PSAP: variants seen among roughly 807,000 people sequenced by gnomAD.
PSAP encodes the protein precursor of saposins.
Under a neutral mutation model 66.0 loss-of-function variants are expected in PSAP, and 25 were observed. That is an observed-to-expected ratio of 0.38 (90% CI 0.28 to 0.53). PSAP has a LOEUF of 0.53. Ranked by LOEUF, PSAP falls within the 20% of genes least tolerant of loss-of-function variation. PSAP has a pLI of 0.83. For missense variants in PSAP, 649 were observed against 668.8 expected, an observed-to-expected ratio of 0.97 and a Z score of 0.33; for synonymous variants, 273 against 258.9, an observed-to-expected ratio of 1.05 and a Z score of -0.52.
At chr10:71,838,147 A>G (rs1842662522) in intron 1 of PSAP, among the ~76,000 whole-genome samples, 1 of 152,262 alleles carries the variant, frequency 6.6e-6, no homozygotes, top group African/African-American at 2.4e-5. Context: ...TGGAAGGCGA[A>G]TTCAAAAACG....
chr10:71,838,137 T>C (rs1842662312), intron 1 of PSAP, among the ~76,000 whole-genome samples: 1 of 152,116 alleles, frequency 6.6e-6, no homozygotes, highest in South Asian at 2.1e-4. Flanking sequence ...GGCACCTAAC[T>C]GGAAGGCGAA....
chr10:71,831,884 T>G lies in PSAP; in HGVS notation c.211A>C (p.Thr71Pro). 2.5e-6 allele frequency: 4 copies of G among 1,614,088 alleles called. No individual in the cohort carries two copies. The highest frequency in any genetic ancestry group is 3.4e-6 in the Non-Finnish European group (4 of 1,180,040). Residue 71 changes from threonine (T) to proline (P), a missense_variant, in exon 3 of 14, where the codon ACC (threonine) becomes CCC (proline). By Grantham distance (38) the Thr-to-Pro change is conservative. Coordinates refer to ENST00000394936, the MANE Select transcript of PSAP (RefSeq NM_002778.4). ...TCCTTCAGCATATCACCAGCTGCGGTGACAACGTCTTTGCATATGTCGCAG... is the reference window on the plus strand; with the variant it reads ...TCCTTCAGCATATCACCAGCTGCGGGGACAACGTCTTTGCATATGTCGCAG... Reference protein sequence around the residue: ...LPCDICKDVVTAAGDMLKDNA... With the variant: ...LPCDICKDVVPAAGDMLKDNA...
At chr10:71,826,890 T>C (rs1255363676) in intron 6 of PSAP, among the ~76,000 whole-genome samples, 2 of 152,190 alleles carry the variant, frequency 1.3e-5, no homozygotes. Flanking sequence ...GTACTAAAAA[T>C]GGCATTTTGG....
intron 1 of PSAP, 57 bp downstream of exon 1, chr10:71,851,124 TG>T: frequency 6.5e-7 from 1 of 1,539,652 alleles, no homozygotes; most frequent in Admixed American, 2.0e-5. Context: ...CAGCCCATTC[TG>T]GGGCAGATGG....
At chr10:71,819,377 C>A in intron 11 of PSAP, 88 bp downstream of exon 11, 1 of 1,568,478 alleles carries the variant, frequency 6.4e-7, no homozygotes. Context: ...GCAGAAACAG[C>A]TGGTTTTCCA....
chr10:71,842,946 C>G (rs1429736659), intron 1 of PSAP, among the ~76,000 whole-genome samples: 2 of 152,208 alleles, frequency 1.3e-5, no homozygotes, highest in Admixed American at 1.3e-4. Flanking sequence ...ACTTCCACAG[C>G]TGAAGTCTAC....
intron 1 of PSAP, among the ~76,000 whole-genome samples, chr10:71,834,993 T>C (rs745674205): frequency 2.5e-4 from 38 of 151,986 alleles, no homozygotes; most frequent in Non-Finnish European, 1.2e-4. Context: ...TCCCAGCACT[T>C]TGGGAGGCCA....
intron 7 of PSAP, among the ~76,000 whole-genome samples, chr10:71,824,587 T>A (rs1842364621): frequency 6.6e-6 from 1 of 152,258 alleles, no homozygotes; most frequent in African/African-American, 2.4e-5. Flanking sequence ...GGACCAATTA[T>A]GTAAATTCTC....
chr10:71,832,447 G>T (rs1348752423), intron 2 of PSAP, among the ~76,000 whole-genome samples: 1 of 152,142 alleles, frequency 6.6e-6, no homozygotes, highest in Non-Finnish European at 1.5e-5. Context: ...ATTCTAATTG[G>T]TTCCTGCGGC....
intron 1 of PSAP, among the ~76,000 whole-genome samples, chr10:71,835,114 C>T (rs995206908): frequency 7.3e-5 from 11 of 151,518 alleles, no homozygotes; most frequent in Non-Finnish European, 1.5e-4. Flanking sequence ...TGGTGGCGGG[C>T]GCCTGTAGTT....
rs995967855 is a variant in PSAP, at chr10:71,821,355, G to T, written c.909+521C>A. Among the ~76,000 whole-genome samples the T allele has an allele frequency of 2.6e-5, 4 of 152,372 alleles. No homozygotes were observed. In the East Asian group the frequency reaches 5.8e-4, roughly 22 times the overall value. ...CACCACAGCCCCTAACATGCTGCCT[G>T]ACCCATAATAAATGCCAAATACAAA... is the stretch of plus-strand genomic sequence containing the variant. On this transcript the variant is annotated intron_variant, in intron 8 of 13. Coordinates refer to ENST00000394936, the MANE Select transcript of PSAP (RefSeq NM_002778.4).
rs747170456 is a variant in PSAP at position 71,819,813 on chromosome 10, C to A, written c.1093G>T (p.Gly365Cys). ...EECQEVVDTYGSSILSILLEE... is the reference protein window; with the variant it reads ...EECQEVVDTYCSSILSILLEE... ...AGCAGGATGGACAGGATGGAGCTGCCGTACGTGTCCACCACCTCCTGGCAC... is the reference window on the plus strand; with the variant it reads ...AGCAGGATGGACAGGATGGAGCTGCAGTACGTGTCCACCACCTCCTGGCAC... The change falls in exon 10 of 14, where the codon GGC (glycine) becomes TGC (cysteine). Residue 365 changes from glycine to cysteine, a missense_variant. Physicochemically the swap from Gly to Cys is radical, Grantham distance 159. Transcript: ENST00000394936. The A allele has an allele frequency of 3.0e-5, 49 of 1,613,898 alleles. No individual in the cohort carries two copies. The highest frequency in any genetic ancestry group is 4.1e-5 in the Non-Finnish European group (48 of 1,179,986).
chr10:71,820,174 T>C, intron 9 of PSAP, 66 bp downstream of exon 9: 1 of 1,398,282 alleles, frequency 7.2e-7, no homozygotes, highest in Non-Finnish European at 1.0e-6. Context: ...TGTGGGACTT[T>C]CCCACTGGGA....
Position 71,828,867 on chromosome 10 carries a change from G to A in PSAP, c.576+10C>T, listed in dbSNP as rs765209148. On this transcript the variant is annotated intron_variant, in intron 5 of 13. Transcript: ENST00000394936. ...AAAATGGGTCCTCAGTGGCCAGCCCGTTGTCTTACCTTTGGCTGGGGCTTG... is the reference window on the plus strand; with the variant it reads ...AAAATGGGTCCTCAGTGGCCAGCCCATTGTCTTACCTTTGGCTGGGGCTTG... 17 of 1,613,658 alleles carry A rather than the reference G, an allele frequency of 1.1e-5. No individual in the cohort carries two copies. The highest frequency in any genetic ancestry group is 3.3e-5 in the South Asian group (3 of 91,064).
intron 1 of PSAP, among the ~76,000 whole-genome samples, chr10:71,846,731 CAAAAAAAAAAAAA>C (rs56323015): frequency 8.1e-5 from 4 of 49,678 alleles, no homozygotes; most frequent in Non-Finnish European, 1.1e-4. Context: ...GACCCTGTCT[CAAAAAAAAAAAAA>C]AAAAAAAAAA....
At chr10:71,827,728 A>C (rs1842423191) in intron 6 of PSAP, among the ~76,000 whole-genome samples, 1 of 146,602 alleles carries the variant, frequency 6.8e-6, no homozygotes, top group Non-Finnish European at 1.5e-5. Context: ...CTCAGTCTCA[A>C]AAAAAAAAAA....
intron 8 of PSAP, among the ~76,000 whole-genome samples, chr10:71,821,507 G>A (rs1316102943): frequency 1.3e-5 from 2 of 152,206 alleles, no homozygotes; most frequent in African/African-American, 2.4e-5. Flanking sequence ...TCTGAGGGGT[G>A]TGCTGGGAAC....
chr10:71,840,898 G>A (rs1468644173), intron 1 of PSAP, among the ~76,000 whole-genome samples: 1 of 152,166 alleles, frequency 6.6e-6, no homozygotes, highest in Non-Finnish European at 1.5e-5. Context: ...TGCAATGGAG[G>A]CTTAATTAAT....
intron 1 of PSAP, among the ~76,000 whole-genome samples, chr10:71,841,627 G>A (rs574994804): frequency 2.5e-4 from 38 of 152,228 alleles, no homozygotes; most frequent in African/African-American, 7.7e-4. Flanking sequence ...TCCAAGCACC[G>A]TGGGAGGCAG....
Sources: gnomAD v4.1 joint callset for allele counts (sites outside exome capture counted in the v4.1 genomes callset) on GRCh38, gnomAD v4.1.1 for gene constraint, MANE v1.5 for transcripts, NCBI Gene and HGNC (gene_info 2026-07-23, HGNC 2026-07-21) for gene names.